The following CBR4 variants were observed in gnomAD, a reference collection of about 807,000 sequenced individuals.
The protein encoded by CBR4 is 3-oxoacyl-[acyl-carrier-protein] reductase.
A neutral mutation model predicts 21.0 loss-of-function variants in CBR4; 22 were observed. The ratio of observed to expected loss-of-function variants is 1.05; its 90% CI spans 0.75 to 1.50. CBR4 has a LOEUF of 1.50. Among genes scored for constraint, CBR4 ranks in the 40% most tolerant of loss-of-function variants. The pLI is 0.00. For missense variants in CBR4, 302 were observed against 286.3 expected, an observed-to-expected ratio of 1.05 and a Z score of -0.40; for synonymous variants, 100 against 104.4, an observed-to-expected ratio of 0.96 and a Z score of 0.26.
Position 168,989,602 on chromosome 4 carries a change from T to A in CBR4, c.*548A>T. ...CAACTAATCAGTGTCCTCTAAATAC[T>A]CTTATTTTGGCAACAGCCCACAAGG... On this transcript the variant is annotated 3_prime_UTR_variant, in exon 5 of 5. Coordinates refer to ENST00000306193, the MANE Select transcript of CBR4 (RefSeq NM_032783.5). 5.1e-6 allele frequency: 5 copies of A among 985,394 alleles called. No individual in the cohort carries two copies. The highest frequency in any genetic ancestry group is 6.0e-6 in the Non-Finnish European group (5 of 829,872). The allele number at this position is 985,394 out of a possible 1,614,324, so 61.0% of individuals were successfully genotyped here.
downstream of CBR4, chr4:168,987,510 GT>G: frequency 5.6e-6 from 2 of 354,446 alleles, no homozygotes; most frequent in Non-Finnish European, 7.9e-6. Flanking sequence ...TCCCTCAAAA[GT>G]TTTACAATTG....
chr4:169,004,832 A>C (rs1459016553), intron 3 of CBR4, among the ~76,000 whole-genome samples: 1 of 152,200 alleles, frequency 6.6e-6, no homozygotes, highest in Non-Finnish European at 1.5e-5. Flanking sequence ...TGCCTACTGA[A>C]GATTCTTGAG....
chr4:168,970,087 G>A (rs190683858), intron 2 of CBR4, among the ~76,000 whole-genome samples: 204 of 152,050 alleles, frequency 1.3e-3, no homozygotes, highest in African/African-American at 4.8e-3. Context: ...TTTTCCTAAC[G>A]GGTTATCCTT....
intron 2 of CBR4, among the ~76,000 whole-genome samples, chr4:168,950,063 C>G (rs1223130831): frequency 6.6e-6 from 1 of 152,094 alleles, no homozygotes; most frequent in African/African-American, 2.4e-5. Context: ...TTCAAAGAAT[C>G]AGCTTTTTGT....
chr4:168,919,367 A>G (rs1039635487), intron 2 of CBR4, among the ~76,000 whole-genome samples: 5 of 152,046 alleles, frequency 3.3e-5, no homozygotes, highest in Non-Finnish European at 5.9e-5. Flanking sequence ...CTACTAAAAT[A>G]CAAAAAAATC....
chr4:168,988,149 T>C lies in CBR4; in HGVS notation c.*2001A>G. 1 of 985,302 alleles carries C rather than the reference T, an allele frequency of 1.0e-6. No homozygotes were observed. Among genetic ancestry groups the C allele is most frequent in the Non-Finnish European group, 1.2e-6 (1 of 829,838 alleles). The allele number at this position is 985,302 out of a possible 1,614,324, so 61.0% of individuals were successfully genotyped here. ...ACTGATTTCAGAAATAGAAGGTAAGTATTAAATTACAAATTCTACTAGGTC... is the reference window on the plus strand; with the variant it reads ...ACTGATTTCAGAAATAGAAGGTAAGCATTAAATTACAAATTCTACTAGGTC... On this transcript the variant is annotated 3_prime_UTR_variant, in exon 5 of 5. Transcript: ENST00000306193.
rs2877380 is a variant in CBR4, at chr4:169,007,691, G to T, written c.208C>A (p.Leu70Met). ...EHDVQNTFEE[L>M]EKHLGRVNFL... ...TTTACTCGACCTAAATGTTTCTCCAGCTCTTCAAATGTATTTTGAACATCA... is the reference window on the plus strand; with the variant it reads ...TTTACTCGACCTAAATGTTTCTCCATCTCTTCAAATGTATTTTGAACATCA... The change falls in exon 2 of 5, where the codon CTG (leucine) becomes ATG (methionine). Residue 70 changes from leucine (L) to methionine (M), a missense_variant. Physicochemically the swap from Leu to Met is conservative, Grantham distance 15. Coordinates refer to ENST00000306193, the MANE Select transcript of CBR4 (RefSeq NM_032783.5). The T allele has an allele frequency of 0.75, 1,200,442 of 1,592,352 alleles. 457,520 individuals are homozygous for T. The highest frequency in any genetic ancestry group is 0.96 in the East Asian group (41,435 of 43,290).
At position 168,910,555 on chromosome 4, in the gene CBR4, T is replaced by C. The variant is rs148488672; in HGVS notation, n.170-15790A>G. 1.4e-4 allele frequency among the ~76,000 whole-genome samples: 22 copies of C among 152,336 alleles called. No homozygotes were observed. The East Asian group carries it at 3.9e-3, about 27-fold the overall frequency. On this transcript the variant is annotated intron_variant and non_coding_transcript_variant, in intron 2 of 3. Coordinates refer to the CBR4 transcript ENST00000509108. ...AAACTGGTTATTATAATTATATCCA[T>C]AGTGAGTGCTACAATAATTTAACAT...
chr4:168,909,893 A>T (rs1337429031), intron 2 of CBR4, among the ~76,000 whole-genome samples: 1 of 152,176 alleles, frequency 6.6e-6, no homozygotes, highest in African/African-American at 2.4e-5. Context: ...AAAATGACAA[A>T]ATTATACAAC....
chr4:169,007,108 C>A (rs1730972141), intron 2 of CBR4, among the ~76,000 whole-genome samples: 1 of 152,086 alleles, frequency 6.6e-6, no homozygotes, highest in African/African-American at 2.4e-5. Flanking sequence ...AGGTTGCTAC[C>A]CCTTCTCAGC....
chr4:168,967,398 C>A (rs35550534), intron 2 of CBR4, among the ~76,000 whole-genome samples: 27 of 152,236 alleles, frequency 1.8e-4, no homozygotes, highest in Admixed American at 9.2e-4. Context: ...GGAGAAATAC[C>A]TAATGTAAAT....
At chr4:168,896,326 C>G (rs1163725549) in intron 2 of CBR4, among the ~76,000 whole-genome samples, 1 of 152,050 alleles carries the variant, frequency 6.6e-6, no homozygotes, top group African/African-American at 2.4e-5. Context: ...GCAAAATCAT[C>G]TAACACAAAG....
chr4:168,921,437 G>C (rs1582209716), intron 2 of CBR4: 6 of 576,518 alleles, frequency 1.0e-5, no homozygotes, highest in South Asian at 5.1e-5. Flanking sequence ...GCCACCTCTT[G>C]TACTACTGAA....
At chr4:168,907,131 A>G (rs1757981312) in intron 2 of CBR4, among the ~76,000 whole-genome samples, 1 of 151,854 alleles carries the variant, frequency 6.6e-6, no homozygotes, top group Non-Finnish European at 1.5e-5. Flanking sequence ...GATAATAATA[A>G]TAATAATAAT....
chr4:168,915,217 T>C (rs549087529), intron 2 of CBR4, among the ~76,000 whole-genome samples: 4 of 152,358 alleles, frequency 2.6e-5, no homozygotes, highest in South Asian at 2.1e-4. Context: ...TTTAAACTTA[T>C]CTTCTAGTCA....
intron 1 of CBR4, among the ~76,000 whole-genome samples, chr4:169,008,753 C>T (rs1464615068): frequency 6.6e-5 from 10 of 152,128 alleles, no homozygotes; most frequent in Non-Finnish European, 1.5e-4. Context: ...TGGGGTGACA[C>T]AGTAAGGGTC....
intron 2 of CBR4, among the ~76,000 whole-genome samples, chr4:168,968,494 T>G (rs557375952): frequency 4.6e-5 from 7 of 152,330 alleles, no homozygotes; most frequent in Admixed American, 3.9e-4. Context: ...CTTCTGATTC[T>G]CTTTCCTGTC....
chr4:168,999,126 T>C (rs1489697283), intron 4 of CBR4, among the ~76,000 whole-genome samples: 2 of 152,128 alleles, frequency 1.3e-5, no homozygotes, highest in Non-Finnish European at 2.9e-5. Context: ...TACCAAAGAT[T>C]AGCAGCTATT....
intron 2 of CBR4, among the ~76,000 whole-genome samples, chr4:168,929,611 A>C (rs1223463410): frequency 2.6e-5 from 4 of 152,100 alleles, no homozygotes; most frequent in African/African-American, 9.7e-5. Flanking sequence ...TAGAAATACA[A>C]CTTCTATATT....
Sources: gnomAD v4.1 joint callset for allele counts (sites outside exome capture counted in the v4.1 genomes callset) on GRCh38, gnomAD v4.1.1 for gene constraint, MANE v1.5 for transcripts, NCBI Gene and HGNC (gene_info 2026-07-23, HGNC 2026-07-21) for gene names.